Variants in PLSCR2 observed in about 807,000 individuals in gnomAD.
PLSCR2 encodes the protein phospholipid scramblase 2.
In PLSCR2, 18 loss-of-function variants were observed where a neutral mutation model predicts 25.3. That is an observed-to-expected ratio of 0.71 (90% confidence interval 0.49 to 1.06). The LOEUF is 1.06. Ranked by LOEUF, PLSCR2 falls within the 50% of genes least tolerant of loss-of-function variation. The probability of loss-of-function intolerance (pLI) is 0.00; values close to 1 mark genes in which losing one functional copy is unlikely to be tolerated. For synonymous variants in PLSCR2, 88 were observed against 87.3 expected, an observed-to-expected ratio of 1.01 and a Z score of -0.04; for missense variants, 243 against 269.5, an observed-to-expected ratio of 0.90 and a Z score of 0.69.
chr3:146,459,822 TGA>T lies in PLSCR2; in HGVS notation c.57+24_57+25del. On this transcript the variant is annotated intron_variant, in intron 2 of 6. Coordinates refer to ENST00000610787, the Ensembl canonical transcript of PLSCR2. ...CAGAAAGAGAGTTTTTTTTTTTTTC[TGA>T]GTATTTTACGTATTTGAAATTACCT... 22 of 1,447,538 alleles carry T rather than the reference TGA, an allele frequency of 1.5e-5. No homozygotes were observed. The Admixed American group carries it at 2.4e-4, about 16-fold the overall frequency. The allele number at this position is 1,447,538 out of a possible 1,614,324, so 89.7% of individuals were successfully genotyped here.
At chr3:146,471,369 T>C (rs868179500) in intron 1 of PLSCR2, among the ~76,000 whole-genome samples, 4 of 152,334 alleles carry the variant, frequency 2.6e-5, no homozygotes, top group Non-Finnish European at 4.4e-5. Context: ...TTATCTTATT[T>C]TTTGTTTGTT....
At chr3:146,469,379 A>G in intron 1 of PLSCR2, 116 bp downstream of exon 1, 1 of 945,902 alleles carries the variant, frequency 1.1e-6, no homozygotes, top group Non-Finnish European at 1.3e-6. Context: ...CCCGCGGCCC[A>G]TTGGGCCCTT....
intron 1 of PLSCR2, among the ~76,000 whole-genome samples, chr3:146,478,379 A>G (rs985710455): frequency 6.6e-6 from 1 of 152,222 alleles, no homozygotes; most frequent in Non-Finnish European, 1.5e-5. Flanking sequence ...TAGAAAAAAC[A>G]GTGTAGAGAA....
intron 3 of PLSCR2, 122 bp from the exon 4 acceptor site, chr3:146,455,581 T>C (rs2041170905): frequency 1.6e-6 from 1 of 643,080 alleles, no homozygotes; most frequent in Non-Finnish European, 2.7e-6. Context: ...AAAGGAATGG[T>C]ATTTAGAGTT....
downstream of PLSCR2, among the ~76,000 whole-genome samples, chr3:146,439,027 C>T (rs554059262): frequency 6.6e-6 from 1 of 152,278 alleles, no homozygotes; most frequent in Admixed American, 6.5e-5. Context: ...TTCTACTTCA[C>T]TTATGAAGCT....
chr3:146,416,777 A>G (rs981760382), intron 2 of PLSCR2, among the ~76,000 whole-genome samples: 7 of 152,200 alleles, frequency 4.6e-5, no homozygotes, highest in South Asian at 2.1e-4. Flanking sequence ...TTTTTAATAT[A>G]TGTGGTTTTA....
At chr3:146,461,789 T>A (rs1259516291), upstream of PLSCR2, 6 of 731,560 alleles carry the variant, frequency 8.2e-6, no homozygotes, top group East Asian at 1.3e-4. Flanking sequence ...AGGGAGACCC[T>A]TAGTAAGGAG....
intron 2 of PLSCR2, among the ~76,000 whole-genome samples, chr3:146,398,496 G>T (rs1316931139): frequency 1.3e-5 from 2 of 149,432 alleles, no homozygotes; most frequent in Non-Finnish European, 3.0e-5. Context: ...AAATAAGGAC[G>T]CTGTGAATTA....
At chr3:146,483,561 G>T (rs2108546406) in intron 1 of PLSCR2, among the ~76,000 whole-genome samples, 1 of 143,766 alleles carries the variant, frequency 7.0e-6, no homozygotes, top group Non-Finnish European at 1.5e-5. Context: ...GATTCCCCGA[G>T]GAAGGAGCAG....
intron 1 of PLSCR2, among the ~76,000 whole-genome samples, chr3:146,475,921 T>G (rs897555141): frequency 3.3e-5 from 5 of 152,108 alleles, no homozygotes; most frequent in African/African-American, 1.2e-4. Context: ...TTCAGGAGTA[T>G]GTCAGAACTT....
intron 1 of PLSCR2, among the ~76,000 whole-genome samples, chr3:146,475,619 A>G (rs1018705604): frequency 6.6e-5 from 10 of 152,102 alleles, no homozygotes; most frequent in African/African-American, 2.2e-4. Context: ...TATTTTCTTC[A>G]TTATGTGTGA....
chr3:146,430,014 A>G (rs1185839097), downstream of PLSCR2, among the ~76,000 whole-genome samples: 1 of 152,142 alleles, frequency 6.6e-6, no homozygotes, highest in Non-Finnish European at 1.5e-5. Flanking sequence ...GACAATACTC[A>G]AAGCAGTTTC....
Position 146,459,758 on chromosome 3 carries a change from ATAAG to A in PLSCR2, c.57+86_57+89del, listed in dbSNP as rs757762649. The A allele has an allele frequency of 6.7e-5, 59 of 878,618 alleles. 1 individual carries two copies. Among genetic ancestry groups the A allele is most frequent in the African/African-American group, 5.9e-4 (35 of 59,058 alleles). 54.4% of individuals were successfully genotyped at this position (878,618 alleles called of 1,614,324 possible). On this transcript the variant is annotated intron_variant, in intron 2 of 6. Coordinates refer to ENST00000610787, the Ensembl canonical transcript of PLSCR2. ...TAATTAATTAATAAGCAGTAAATAAATAAGTATCACTTAACCATAATTACTATGG... is the reference window on the plus strand; with the variant it reads ...TAATTAATTAATAAGCAGTAAATAAATATCACTTAACCATAATTACTATGG...
intron 2 of PLSCR2, among the ~76,000 whole-genome samples, chr3:146,396,728 A>G (rs2038285890): frequency 6.6e-6 from 1 of 152,146 alleles, no homozygotes; most frequent in Non-Finnish European, 1.5e-5. Context: ...GCAGAAAATT[A>G]GTGAGACCAA....
chr3:146,494,677 T>C (rs78461716), intron 1 of PLSCR2: 1 of 152,170 alleles, frequency 6.6e-6, no homozygotes. Context: ...TAAACACTCA[T>C]GGTTTAAATA....
intron 3 of PLSCR2, among the ~76,000 whole-genome samples, chr3:146,391,983 G>GC (rs945611938): frequency 6.6e-6 from 1 of 151,934 alleles, no homozygotes; most frequent in Admixed American, 6.6e-5. Context: ...GTTATAATAT[G>GC]CTTATACCCT....
At chr3:146,487,483 T>A (rs1278992137) in intron 1 of PLSCR2, among the ~76,000 whole-genome samples, 2 of 151,950 alleles carry the variant, frequency 1.3e-5, no homozygotes, top group African/African-American at 4.8e-5. Context: ...GGATACAAAA[T>A]CAAGCAATGT....
At chr3:146,455,348 C>G (rs78356755) in exon 4 of PLSCR2, 2 of 1,613,062 alleles carry the variant, frequency 1.2e-6, no homozygotes, top group African/African-American at 2.7e-5. Context: ...AGGTCTAGAC[C>G]GCCCACAGCA....
intron 2 of PLSCR2, among the ~76,000 whole-genome samples, chr3:146,396,166 G>A (rs968520404): frequency 3.3e-5 from 5 of 152,006 alleles, no homozygotes; most frequent in African/African-American, 7.2e-5. Flanking sequence ...GTATACACAC[G>A]TATACACTTA....
Sources: gnomAD v4.1 joint callset for allele counts (sites outside exome capture counted in the v4.1 genomes callset) on GRCh38, gnomAD v4.1.1 for gene constraint, MANE v1.5 for transcripts, NCBI Gene and HGNC (gene_info 2026-07-23, HGNC 2026-07-21) for gene names.